Variants in DNAH6 observed in about 807,000 individuals in gnomAD.
DNAH6 encodes the protein axonemal beta dynein heavy chain 6.
In DNAH6, 340 loss-of-function variants were observed where a neutral mutation model predicts 491.4. The ratio of observed to expected loss-of-function variants is 0.69; its 90% CI spans 0.63 to 0.76. DNAH6 has a LOEUF of 0.76. Among genes scored for constraint, DNAH6 ranks in the 30% least tolerant of loss-of-function variants. The probability of loss-of-function intolerance (pLI) is 0.00; values close to 1 mark genes in which losing one functional copy is unlikely to be tolerated. For missense variants in DNAH6, 4,443 were observed against 4,972.2 expected (o/e 0.89, Z 3.20); for synonymous variants, 1,603 against 1,686.1 (o/e 0.95, Z 1.21).
At chr2:84,517,487 A>G (rs761309284) in intron 1 of DNAH6, among the ~76,000 whole-genome samples, 1 of 152,174 alleles carries the variant, frequency 6.6e-6, no homozygotes, top group Non-Finnish European at 1.5e-5. Flanking sequence ...TCTCAATACT[A>G]ATTACATTTC....
chr2:84,644,545 T>G (rs1240530388), intron 33 of DNAH6, among the ~76,000 whole-genome samples: 1 of 152,086 alleles, frequency 6.6e-6, no homozygotes, highest in Non-Finnish European at 1.5e-5. Context: ...ACCCAGGCAT[T>G]CAGCCCAGCA....
chr2:84,548,410 C>G lies in DNAH6; in HGVS notation c.1309C>G (p.Leu437Val), dbSNP rs775853186. 6.2e-7 allele frequency: 1 copy of G among 1,613,630 alleles called. No homozygotes were observed. Among genetic ancestry groups the G allele is most frequent in the Non-Finnish European group, 8.5e-7 (1 of 1,179,890 alleles). ...QASKRHYCMR[L>V]TCFIRLNDYL... ...CAGCAAAAGGCATTATTGCATGAGG[C>G]TGACGTGGTAAGATTATTCTCATTT... is the stretch of plus-strand genomic sequence containing the variant. The change falls in exon 8 of 77, where the codon CTG becomes GTG. Residue 437 changes from leucine (L) to valine (V), a missense_variant. Around this residue, in one of 3 missense-constraint regions of DNAH6, gnomAD observed 2,977 missense variants for 3,296.6 expected, o/e 0.90. Coordinates refer to ENST00000389394, the MANE Select transcript of DNAH6 (RefSeq NM_001370.2).
chr2:84,540,265 G>T (rs528956242), intron 4 of DNAH6, among the ~76,000 whole-genome samples: 1 of 152,252 alleles, frequency 6.6e-6, no homozygotes, highest in South Asian at 2.1e-4. Context: ...AGGATGATTT[G>T]TGTTGACAGA....
At chr2:84,573,609 A>T in intron 12 of DNAH6, 22 bp downstream of exon 12, 1 of 1,529,398 alleles carries the variant, frequency 6.5e-7, no homozygotes, top group South Asian at 1.3e-5. Context: ...ATTTGTACTT[A>T]CTAATTATTT....
the DNAH6 span, among the ~76,000 whole-genome samples, chr2:84,502,343 T>C: frequency 6.6e-6 from 1 of 152,198 alleles, no homozygotes; most frequent in African/African-American, 2.4e-5. Flanking sequence ...TTCCTCCTGT[T>C]ATTAATTTCT....
chr2:84,553,345 C>T (rs937992102), intron 10 of DNAH6, among the ~76,000 whole-genome samples: 1 of 101,966 alleles, frequency 9.8e-6, no homozygotes, highest in African/African-American at 4.0e-5. Flanking sequence ...ATACCTTTTC[C>T]TTTCTTTTCT....
At chr2:84,603,514 A>G (rs1558782651) in intron 18 of DNAH6, among the ~76,000 whole-genome samples, 1 of 152,076 alleles carries the variant, frequency 6.6e-6, no homozygotes, top group Non-Finnish European at 1.5e-5. Flanking sequence ...ATTTTTACTC[A>G]GTATTTGATA....
chr2:84,785,352 A>G (rs1440911273), intron 66 of DNAH6, among the ~76,000 whole-genome samples: 1 of 152,212 alleles, frequency 6.6e-6, no homozygotes, highest in East Asian at 1.9e-4. Flanking sequence ...AAAAATGGAC[A>G]CTAAATGGAA....
the DNAH6 span, among the ~76,000 whole-genome samples, chr2:84,499,774 A>G: frequency 6.6e-6 from 1 of 152,150 alleles, no homozygotes; most frequent in Non-Finnish European, 1.5e-5. Flanking sequence ...TTTGATTTAC[A>G]TTGATGATCA....
chr2:84,462,792 C>T, the DNAH6 span, among the ~76,000 whole-genome samples: 1 of 152,200 alleles, frequency 6.6e-6, no homozygotes, highest in African/African-American at 2.4e-5. Flanking sequence ...TGTCTGCCTC[C>T]TTCCTAGAGA....
At chr2:84,571,682 G>T (rs1366450827) in intron 11 of DNAH6, among the ~76,000 whole-genome samples, 18 of 152,104 alleles carry the variant, frequency 1.2e-4, no homozygotes, top group Non-Finnish European at 1.9e-4. Flanking sequence ...GGGAGGCCTA[G>T]GTGGGCGGAT....
At chr2:84,545,221 T>A (rs541673371) in intron 5 of DNAH6, among the ~76,000 whole-genome samples, 1 of 152,296 alleles carries the variant, frequency 6.6e-6, no homozygotes, top group East Asian at 1.9e-4. Context: ...TATGAAAGAC[T>A]GTTATCAACA....
chr2:84,525,072 A>G (rs1197366511), intron 2 of DNAH6, among the ~76,000 whole-genome samples: 1 of 152,204 alleles, frequency 6.6e-6, no homozygotes, highest in Middle Eastern at 3.4e-3. Context: ...TGAATTCTTC[A>G]CTTTATTATG....
intron 48 of DNAH6, 21 bp downstream of exon 48, chr2:84,699,755 T>C: frequency 6.5e-7 from 1 of 1,547,318 alleles, no homozygotes; most frequent in South Asian, 1.2e-5. Context: ...TCCCAGGATA[T>C]CTCTTTGAGA....
chr2:84,599,690 AT>A (rs1398303697), intron 18 of DNAH6, among the ~76,000 whole-genome samples: 1 of 152,072 alleles, frequency 6.6e-6, no homozygotes, highest in Non-Finnish European at 1.5e-5. Flanking sequence ...TTTTTAGTCT[AT>A]TTCTGGACTC....
At chr2:84,514,867 T>TCACACA (rs58335460), upstream of DNAH6, among the ~76,000 whole-genome samples, 6,133 of 139,052 alleles carry the variant, frequency 0.044, 181 homozygotes, top group Middle Eastern at 0.064. Context: ...TTCACCACAG[T>TCACACA]CACACACACA....
the DNAH6 span, among the ~76,000 whole-genome samples, chr2:84,470,613 C>A: frequency 6.6e-6 from 1 of 152,196 alleles, no homozygotes; most frequent in African/African-American, 2.4e-5. Flanking sequence ...TTTGGGCCAG[C>A]TCCTTTACTG....
chr2:84,793,225 C>CAT (rs35801326), intron 68 of DNAH6, among the ~76,000 whole-genome samples: 34,049 of 151,886 alleles, frequency 0.22, 4,509 homozygotes, highest in African/African-American at 0.39. Context: ...TACACACACA[C>CAT]GGGCGTGCAC....
At position 84,654,573 on chromosome 2, in the gene DNAH6, A is replaced by G. The variant is rs935644919; in HGVS notation, c.5635-87A>G. On this transcript the variant is annotated intron_variant, in intron 34 of 76. Transcript: ENST00000389394. ...AGTGTTGTTAGACTTTAAAAGTGTG[A>G]ATCATTTTATAAGTGTGAACATTGA... is the stretch of plus-strand genomic sequence containing the variant. The G allele has an allele frequency of 6.7e-6, 10 of 1,492,490 alleles. No homozygotes were observed. In the African/African-American group the frequency reaches 1.4e-4, roughly 21 times the overall value. 92.5% of individuals were successfully genotyped at this position (1,492,490 alleles called of 1,614,324 possible). A position where few individuals can be genotyped will look rare whatever the true frequency, so the allele number is the denominator to read the frequency against.
Sources: allele counts gnomAD v4.1 joint callset (sites outside exome capture counted in the v4.1 genomes callset), GRCh38; gene constraint gnomAD v4.1.1; regional missense constraint gnomAD v4.1.1; transcripts MANE v1.5; gene names NCBI Gene and HGNC (gene_info 2026-07-23, HGNC 2026-07-21).